BIRC6: variants seen among roughly 807,000 people sequenced by gnomAD.
BIRC6 encodes the protein dual E2 ubiquitin-conjugating enzyme/E3 ubiquitin-protein ligase BIRC6.
In BIRC6, 98 loss-of-function variants were observed where a neutral mutation model predicts 503.3. The ratio of observed to expected loss-of-function variants is 0.19; its 90% CI spans 0.17 to 0.23. The LOEUF is 0.23. BIRC6 is among the 10% of genes least tolerant of loss of function. The pLI is 1.00. For missense variants in BIRC6, 5,360 were observed against 5,806.0 expected (o/e 0.92, Z 2.50); for synonymous variants, 2,240 against 2,078.7 (o/e 1.08, Z -2.11).
intron 1 of BIRC6, among the ~76,000 whole-genome samples, chr2:32,361,229 C>A (rs2034029939): frequency 6.6e-6 from 1 of 152,128 alleles, no homozygotes; most frequent in Non-Finnish European, 1.5e-5. Context: ...GCCACCGCGC[C>A]CAGCCCTAAT....
intron 13 of BIRC6, among the ~76,000 whole-genome samples, chr2:32,434,953 A>G (rs1256150534): frequency 6.6e-6 from 1 of 152,236 alleles, no homozygotes; most frequent in Admixed American, 6.5e-5. Context: ...GATATGAATA[A>G]GGTTATATAC....
rs1572470288 is a variant in BIRC6 at position 32,473,002 on chromosome 2, C to T, written c.6593-110C>T. 5 of 898,286 alleles carry T rather than the reference C, an allele frequency of 5.6e-6. No individual in the cohort carries two copies. The East Asian group carries it at 1.5e-4, about 26-fold the overall frequency. The allele number at this position is 898,286 out of a possible 1,614,324, so 55.6% of individuals were successfully genotyped here. On this transcript the variant is annotated intron_variant, in intron 32 of 73. Transcript: ENST00000421745. ...TACAATGTTTTTCTTATTAAAACTG[C>T]TTTTCATGATTGACACATGTATAAC... is the stretch of plus-strand genomic sequence containing the variant.
At chr2:32,471,200 G>T (rs1270276561) in intron 32 of BIRC6, 76 bp downstream of exon 32, 2 of 1,523,236 alleles carry the variant, frequency 1.3e-6, no homozygotes, top group Non-Finnish European at 1.8e-6. Flanking sequence ...GAGTGACTTC[G>T]CAGTTGTTCC....
Position 32,401,172 on chromosome 2 carries a change from C to T in BIRC6, c.1044C>T (p.His348=), listed in dbSNP as rs531569507. 3.3e-5 allele frequency: 53 copies of T among 1,613,784 alleles called. No homozygotes were observed. The South Asian group carries it at 4.7e-4, about 14-fold the overall frequency. Residue 348 remains histidine (H), a synonymous_variant, in exon 7 of 74, where the codon CAC becomes CAT. Transcript: ENST00000421745. ...CTAAATCTATGCAAAGGTCTGAACA[C>T]GAAAGACATTCCCCAAACTGCCCAT... is the stretch of plus-strand genomic sequence containing the variant. ...WEPTDEPWSE[H]ERHSPNCPFV... is the part of the protein sequence containing the mutation.
intron 1 of BIRC6, among the ~76,000 whole-genome samples, chr2:32,359,847 G>A (rs553838375): frequency 6.6e-6 from 1 of 152,094 alleles, no homozygotes; most frequent in Non-Finnish European, 1.5e-5. Context: ...GGTATTACAG[G>A]CATGAGCTGT....
At chr2:32,556,502 C>T (rs185649671) in intron 65 of BIRC6, among the ~76,000 whole-genome samples, 28 of 152,172 alleles carry the variant, frequency 1.8e-4, no homozygotes, top group Non-Finnish European at 3.5e-4. Context: ...TAACTACCTA[C>T]CAGATTAGCC....
intron 30 of BIRC6, 130 bp from the exon 31 acceptor site, chr2:32,470,038 T>A (rs1169425257): frequency 2.4e-6 from 2 of 823,974 alleles, no homozygotes; most frequent in African/African-American, 3.6e-5. Context: ...TTTCCCAGTC[T>A]GAAATATGGT....
chr2:32,543,622 C>A, intron 62 of BIRC6, 81 bp downstream of exon 62: 1 of 1,335,640 alleles, frequency 7.5e-7, no homozygotes, highest in Non-Finnish European at 1.0e-6. Flanking sequence ...TATTATTCAT[C>A]ATTTATTTCC....
chr2:32,424,370 G>C (rs535033703), intron 10 of BIRC6, among the ~76,000 whole-genome samples: 1 of 152,182 alleles, frequency 6.6e-6, no homozygotes, highest in South Asian at 2.1e-4. Flanking sequence ...TTGTAACTCA[G>C]CATTTGGGTT....
intron 61 of BIRC6, among the ~76,000 whole-genome samples, chr2:32,535,876 G>C (rs2057190519): frequency 6.6e-6 from 1 of 152,182 alleles, no homozygotes; most frequent in Non-Finnish European, 1.5e-5. Flanking sequence ...CTGAGGAATT[G>C]CTACACTGAC....
chr2:32,401,089 T>C (rs2149737426), intron 6 of BIRC6, 74 bp from the exon 7 acceptor site: 1 of 1,260,022 alleles, frequency 7.9e-7, no homozygotes, highest in South Asian at 1.3e-5. Context: ...ATGATGATCC[T>C]GGAGTTCTGT....
At chr2:32,578,988 A>ATATATATATATATATATATATG in intron 66 of BIRC6, among the ~76,000 whole-genome samples, 1 of 135,082 alleles carries the variant, frequency 7.4e-6, no homozygotes, top group African/African-American at 2.8e-5. Context: ...TAATATATAT[A>ATATATATATATATATATATATG]TACACTTAAT....
At chr2:32,377,374 A>G (rs2036962654) in intron 1 of BIRC6, among the ~76,000 whole-genome samples, 1 of 152,076 alleles carries the variant, frequency 6.6e-6, no homozygotes, top group African/African-American at 2.4e-5. Flanking sequence ...TTTGGTTGTC[A>G]AATTTTAGTA....
At chr2:32,404,289 AG>A (rs1256710586) in intron 8 of BIRC6, among the ~76,000 whole-genome samples, 2 of 151,934 alleles carry the variant, frequency 1.3e-5, no homozygotes, top group African/African-American at 4.8e-5. Flanking sequence ...AATTCATGTA[AG>A]TGTACAATTT....
In BIRC6 at chr2:32,473,043, C is replaced by G. The variant is rs1040581064; in HGVS notation, c.6593-69C>G. On this transcript the variant is annotated intron_variant, in intron 32 of 73. Coordinates refer to ENST00000421745, the MANE Select transcript of BIRC6 (RefSeq NM_016252.4). ...CATGTATAACTGTGTTTTTTGTTTTCTGGGTAGGAAAGGTACTTTAAAATC... is the reference window on the plus strand; with the variant it reads ...CATGTATAACTGTGTTTTTTGTTTTGTGGGTAGGAAAGGTACTTTAAAATC... The G allele has an allele frequency of 7.4e-6, 10 of 1,358,830 alleles. No homozygotes were observed. The African/African-American group carries it at 1.5e-4, about 20-fold the overall frequency. The allele number at this position is 1,358,830 out of a possible 1,614,324, so 84.2% of individuals were successfully genotyped here. A position where few individuals can be genotyped will look rare whatever the true frequency, so the allele number is the denominator to read the frequency against.
chr2:32,464,549 C>G lies in BIRC6; in HGVS notation c.4982C>G (p.Ala1661Gly), dbSNP rs1262534045. 4 of 1,596,918 alleles carry G rather than the reference C, an allele frequency of 2.5e-6. No individual in the cohort carries two copies. The highest frequency in any genetic ancestry group is 3.4e-6 in the Non-Finnish European group (4 of 1,170,924). Residue 1661 changes from alanine to glycine, a missense_variant, in exon 25 of 74, where the codon GCA (alanine) becomes GGA (glycine). Transcript: ENST00000421745. ...GCCAAGTTACATCAGACAACAGCTG[C>G]AGCAGCTGCAGCAGCATCAGCAGTA... ...LEAKLHQTTA[A>G]AAAAASAVGP...
At chr2:32,617,667 A>G in intron 73 of BIRC6, 58 bp from the exon 74 acceptor site, 2 of 1,517,162 alleles carry the variant, frequency 1.3e-6, no homozygotes, top group Non-Finnish European at 1.8e-6. Context: ...TTCCTGCCTC[A>G]AATGATGTTG....
chr2:32,537,833 G>A (rs750626075), intron 61 of BIRC6, among the ~76,000 whole-genome samples: 3 of 151,976 alleles, frequency 2.0e-5, no homozygotes, highest in Non-Finnish European at 4.4e-5. Context: ...GGGCGGGGTG[G>A]CAGGTGCCTG....
chr2:32,443,501 T>C lies in BIRC6; in HGVS notation c.4249T>C (p.Cys1417Arg), dbSNP rs757280120. Residue 1417 changes from cysteine (C) to arginine (R), a missense_variant, in exon 20 of 74, where the codon TGT becomes CGT. By Grantham distance (180) the Cys-to-Arg change is radical (BLOSUM62 -3). Around this residue, in one of 16 missense-constraint regions of BIRC6, gnomAD observed 2,299 missense variants for 2,267.2 expected, o/e 1.01. Transcript: ENST00000421745. ...FLALCISNGKCDPCQPAFGPV... is the reference protein window; with the variant it reads ...FLALCISNGKRDPCQPAFGPV... ...TTAAAAATTTTTCAGTAATGGCAAA[T>C]GTGACCCATGTCAACCAGCATTTGG... 6 of 1,603,366 alleles carry C rather than the reference T, an allele frequency of 3.7e-6. No homozygotes were observed. The Admixed American group carries it at 1.0e-4, about 27-fold the overall frequency.
Sources: gnomAD v4.1 joint callset for allele counts (sites outside exome capture counted in the v4.1 genomes callset) on GRCh38, gnomAD v4.1.1 for gene constraint, gnomAD v4.1.1 regional missense constraint, MANE v1.5 for transcripts, NCBI Gene and HGNC (gene_info 2026-07-23, HGNC 2026-07-21) for gene names.